STX18: variants seen among roughly 807,000 people sequenced by gnomAD.
STX18 encodes syntaxin-18.
Under a neutral mutation model 50.1 loss-of-function variants are expected in STX18, and 40 were observed. The observed-to-expected ratio is 0.80, with a 90% CI of 0.62 to 1.04. The LOEUF is 1.04. Among genes scored for constraint, STX18 ranks in the 50% least tolerant of loss-of-function variants. The pLI is 0.00. For synonymous variants in STX18, 158 were observed against 151.8 expected (o/e 1.04, Z -0.30); for missense variants, 410 against 415.8 (o/e 0.99, Z 0.12).
At chr4:4,538,756 A>G (rs1193548025) in intron 1 of STX18, among the ~76,000 whole-genome samples, 1 of 152,322 alleles carries the variant, frequency 6.6e-6, no homozygotes, top group East Asian at 1.9e-4. Context: ...ATTTCTAAGT[A>G]GCAGAAGCGA....
intron 1 of STX18, among the ~76,000 whole-genome samples, chr4:4,528,120 T>C (rs1043552799): frequency 2.0e-5 from 3 of 152,148 alleles, no homozygotes; most frequent in African/African-American, 4.8e-5. Context: ...TCATGGGCTG[T>C]GGATGCAAAG....
chr4:4,539,562 C>G (rs1283924564), intron 1 of STX18, among the ~76,000 whole-genome samples: 1 of 152,218 alleles, frequency 6.6e-6, no homozygotes, highest in Non-Finnish European at 1.5e-5. Flanking sequence ...GTCAGGGGGA[C>G]AGTGTCCCTG....
chr4:4,491,149 T>C (rs1359699335), intron 1 of STX18, among the ~76,000 whole-genome samples: 1 of 152,002 alleles, frequency 6.6e-6, no homozygotes, highest in Non-Finnish European at 1.5e-5. Flanking sequence ...GTGTTTTCTT[T>C]CCCTGTTTTG....
At chr4:4,513,083 A>G (rs1177797593) in intron 1 of STX18, among the ~76,000 whole-genome samples, 2 of 152,192 alleles carry the variant, frequency 1.3e-5, no homozygotes, top group East Asian at 3.8e-4. Context: ...TAAAGAAGGA[A>G]GCAGTCTAAG....
At chr4:4,525,382 G>GA (rs919019040) in intron 1 of STX18, among the ~76,000 whole-genome samples, 3 of 152,114 alleles carry the variant, frequency 2.0e-5, no homozygotes, top group African/African-American at 7.2e-5. Context: ...TGTTAATGAT[G>GA]AAAAAAACTA....
At position 4,439,567 on chromosome 4, in the gene STX18, C is replaced by G. The variant is rs1049186140; in HGVS notation, c.498-1058G>C. On this transcript the variant is annotated intron_variant, in intron 5 of 10. Transcript: ENST00000306200. Reference sequence around the variant, plus strand: ...ACAGAAACACACACATATATACCCCCTACCCATATATATACACACACACAC... The same window carrying G: ...ACAGAAACACACACATATATACCCCGTACCCATATATATACACACACACAC... 9.4e-5 allele frequency among the ~76,000 whole-genome samples: 13 copies of G among 138,852 alleles called. 1 individual carries two copies. The East Asian group carries it at 2.5e-3, about 26-fold the overall frequency. 91.1% of individuals were successfully genotyped at this position (138,852 alleles called of 152,430 possible).
chr4:4,453,343 C>T (rs1726865728), intron 5 of STX18, among the ~76,000 whole-genome samples: 1 of 152,192 alleles, frequency 6.6e-6, no homozygotes, highest in African/African-American at 2.4e-5. Flanking sequence ...CCACCCCAAC[C>T]TTCAGCAACC....
intron 1 of STX18, among the ~76,000 whole-genome samples, chr4:4,480,935 C>T (rs973919906): frequency 6.6e-6 from 1 of 152,188 alleles, no homozygotes; most frequent in Non-Finnish European, 1.5e-5. Context: ...CATACATATG[C>T]ACTACAGATG....
chr4:4,510,805 G>A lies in STX18; in HGVS notation c.168+30992C>T, dbSNP rs556532827. Reference sequence around the variant, plus strand: ...AAAGCAAATGTGGCACATATACACCGTGGAATACTATGCAACCATAAAAAA... The same window carrying A: ...AAAGCAAATGTGGCACATATACACCATGGAATACTATGCAACCATAAAAAA... On this transcript the variant is annotated intron_variant, in intron 1 of 10. Coordinates refer to ENST00000306200, the MANE Select transcript of STX18 (RefSeq NM_016930.4). Among the ~76,000 whole-genome samples the A allele has an allele frequency of 7.2e-5, 11 of 152,260 alleles. No individual in the cohort carries two copies. In the South Asian group the frequency reaches 8.3e-4, roughly 11 times the overall value.
At position 4,438,407 on chromosome 4, in the gene STX18, A is replaced by G. The variant is rs1012602523; in HGVS notation, c.600T>C (p.Thr200=). ...CTCAATTCGTACCTGGACGTTCTTCAGTGGCAGGGTTTTCTTCAGAGTCTT... is the reference window on the plus strand; with the variant it reads ...CTCAATTCGTACCTGGACGTTCTTCGGTGGCAGGGTTTTCTTCAGAGTCTT... The part of the protein sequence containing the change: ...PSKDSEENPA[T]EERPEKILAE... Residue 200 remains threonine (T), a synonymous_variant, in exon 6 of 11, where the codon ACT becomes ACC. Transcript: ENST00000306200. The G allele has an allele frequency of 2.5e-6, 4 of 1,611,286 alleles. No individual in the cohort carries two copies. The highest frequency in any genetic ancestry group is 2.5e-6 in the Non-Finnish European group (3 of 1,178,838).
At chr4:4,502,584 AT>A (rs1729506449) in intron 1 of STX18, among the ~76,000 whole-genome samples, 1 of 152,156 alleles carries the variant, frequency 6.6e-6, no homozygotes, top group Non-Finnish European at 1.5e-5. Flanking sequence ...TGAAAAAAAA[AT>A]ATTGAGTTCT....
intron 7 of STX18, among the ~76,000 whole-genome samples, chr4:4,426,960 G>T (rs181924774): frequency 8.1e-4 from 124 of 152,230 alleles, no homozygotes; most frequent in Middle Eastern, 6.8e-3. Flanking sequence ...AAAACCCCAG[G>T]CATCTTCCTA....
At chr4:4,436,035 CTTTTTCCT>C (rs1243071251) in intron 6 of STX18, among the ~76,000 whole-genome samples, 1 of 152,186 alleles carries the variant, frequency 6.6e-6, no homozygotes, top group Non-Finnish European at 1.5e-5. Context: ...AATACTGCTT[CTTTTTCCT>C]TTTTTCCTCA....
intron 1 of STX18, among the ~76,000 whole-genome samples, chr4:4,500,242 T>C (rs1330609572): frequency 6.6e-6 from 1 of 152,240 alleles, no homozygotes; most frequent in East Asian, 1.9e-4. Context: ...TGTAATAATA[T>C]ATGCTTTTCC....
At chr4:4,484,008 C>T (rs183403012) in intron 1 of STX18, among the ~76,000 whole-genome samples, 11 of 152,116 alleles carry the variant, frequency 7.2e-5, no homozygotes, top group Middle Eastern at 3.4e-3. Context: ...ACTACAGGTG[C>T]GTGCCACCAT....
chr4:4,511,112 G>A (rs1223850253), intron 1 of STX18, among the ~76,000 whole-genome samples: 2 of 152,152 alleles, frequency 1.3e-5, no homozygotes, highest in African/African-American at 2.4e-5. Flanking sequence ...CATGGCACAT[G>A]TATACCTATG....
chr4:4,454,911 G>A (rs1322037679), intron 5 of STX18, among the ~76,000 whole-genome samples: 1 of 152,208 alleles, frequency 6.6e-6, no homozygotes, highest in Admixed American at 6.5e-5. Flanking sequence ...ATGCTTAGTG[G>A]TAGATAATAG....
intron 5 of STX18, among the ~76,000 whole-genome samples, chr4:4,447,836 CA>C (rs1255300651): frequency 2.0e-5 from 3 of 152,078 alleles, no homozygotes; most frequent in African/African-American, 7.2e-5. Flanking sequence ...AGTCTTAAAG[CA>C]ATATACATTT....
chr4:4,515,467 T>C (rs902009133), intron 1 of STX18, among the ~76,000 whole-genome samples: 1 of 152,184 alleles, frequency 6.6e-6, no homozygotes, highest in African/African-American at 2.4e-5. Flanking sequence ...TGGTTCATGG[T>C]AATTAATTCT....
Sources: allele counts gnomAD v4.1 joint callset (sites outside exome capture counted in the v4.1 genomes callset), GRCh38; gene constraint gnomAD v4.1.1; transcripts MANE v1.5; gene names NCBI Gene and HGNC (gene_info 2026-07-23, HGNC 2026-07-21).